Variants in PLCB2 observed in about 807,000 individuals in gnomAD.
PLCB2 encodes the protein phospholipase C beta 2.
A neutral mutation model predicts 141.7 loss-of-function variants in PLCB2; 115 were observed. The ratio of observed to expected loss-of-function variants is 0.81; its 90% CI spans 0.70 to 0.95. The LOEUF (loss-of-function observed/expected upper bound fraction) is 0.95. Ranked by LOEUF, PLCB2 falls within the 40% of genes least tolerant of loss-of-function variation. PLCB2 has a pLI of 0.00. For missense variants in PLCB2, 1,403 were observed against 1,541.1 expected, an observed-to-expected ratio of 0.91 and a Z score of 1.50; for synonymous variants, 603 against 595.6, an observed-to-expected ratio of 1.01 and a Z score of -0.18.
chr15:40,304,134 G>A, intron 1 of PLCB2, 56 bp from the exon 2 acceptor site: 1 of 1,228,446 alleles, frequency 8.1e-7, no homozygotes, highest in East Asian at 2.5e-5. Context: ...AGCCTCCCTG[G>A]TCCAGGCCAG....
intron 3 of PLCB2, 21 bp from the exon 4 acceptor site, chr15:40,302,630 G>T (rs558409146): frequency 3.7e-6 from 6 of 1,613,470 alleles, no homozygotes; most frequent in Middle Eastern, 1.7e-4. Flanking sequence ...TGGTGGTATG[G>T]TTAGGATGGA....
Position 40,291,180 on chromosome 15 carries a change from G to T in PLCB2, c.2874C>A (p.Ser958Arg). Reference protein sequence around the residue: ...GPGKGSRKKRSLPREESAGAA... With the variant: ...GPGKGSRKKRRLPREESAGAA... ...CTCCGGCGCTCTCCTCGCGGGGCAG[G>T]CTCCTGGGGAGGCCACGTGGGGACA... The change falls in exon 27 of 32, where the codon AGC becomes AGA. Residue 958 changes from serine (S) to arginine (R), a missense_variant. This residue lies in a region of PLCB2 where 290 missense variants were observed against 245.9 expected (regional missense o/e 1.18). Coordinates refer to ENST00000260402, the MANE Select transcript of PLCB2 (RefSeq NM_004573.3). The T allele has an allele frequency of 6.4e-7, 1 of 1,571,412 alleles. No homozygotes were observed. Among genetic ancestry groups the T allele is most frequent in the East Asian group, 2.3e-5 (1 of 43,564 alleles).
At position 40,288,090 on chromosome 15, in the gene PLCB2, A is replaced by G; in HGVS notation, c.*625T>C. 1 of 985,516 alleles carries G rather than the reference A, an allele frequency of 1.0e-6. No homozygotes were observed. The highest frequency in any genetic ancestry group is 1.2e-6 in the Non-Finnish European group (1 of 829,958). 61.0% of individuals were successfully genotyped at this position (985,516 alleles called of 1,614,324 possible). On this transcript the variant is annotated 3_prime_UTR_variant, in exon 32 of 32. Transcript: ENST00000260402. ...CCAGGGTCAGGGTGGAACAGCACCCAAGAGCCCACTGCCCCTTGTGACTCA... is the reference window on the plus strand; with the variant it reads ...CCAGGGTCAGGGTGGAACAGCACCCGAGAGCCCACTGCCCCTTGTGACTCA...
chr15:40,290,710 G>T, intron 28 of PLCB2, 38 bp from the exon 29 acceptor site: 1 of 1,611,324 alleles, frequency 6.2e-7, no homozygotes, highest in Non-Finnish European at 8.5e-7. Context: ...GTTTTGTGCG[G>T]CTGAGCCCTT....
At chr15:40,304,288 G>A (rs2040685021) in intron 1 of PLCB2, among the ~76,000 whole-genome samples, 1 of 152,142 alleles carries the variant, frequency 6.6e-6, no homozygotes. Flanking sequence ...CCCCTCTAAA[G>A]CCCAAATAGA....
At chr15:40,305,801 A>T (rs2040765835) in intron 1 of PLCB2, among the ~76,000 whole-genome samples, 1 of 152,158 alleles carries the variant, frequency 6.6e-6, no homozygotes, top group Non-Finnish European at 1.5e-5. Flanking sequence ...GAACTTGGTT[A>T]CCCCTTTCCC....
chr15:40,289,955 GAGAGA>G, intron 30 of PLCB2, 65 bp downstream of exon 30: 14 of 773,132 alleles, frequency 1.8e-5, no homozygotes, highest in Admixed American at 3.7e-5. Context: ...GAGAGAGAGA[GAGAGA>G]GAGAGAGAGT....
chr15:40,291,244 G>A lies in PLCB2; in HGVS notation c.2870+21C>T. ...TGCGCCACCCGCGCTGCAGAGGGCA[G>A]GGCACCGCCACGAGCCTTACCTCTT... On this transcript the variant is annotated intron_variant, in intron 26 of 31. Coordinates refer to ENST00000260402, the MANE Select transcript of PLCB2 (RefSeq NM_004573.3). The A allele has an allele frequency of 3.2e-6, 5 of 1,573,458 alleles. No individual in the cohort carries two copies. The South Asian group carries it at 5.7e-5, about 18-fold the overall frequency.
chr15:40,298,034 C>T (rs2141117191), intron 11 of PLCB2, 75 bp from the exon 12 acceptor site: 1 of 1,265,812 alleles, frequency 7.9e-7, no homozygotes. Flanking sequence ...CTTTTCCCCC[C>T]TGCCTAGTTT....
Position 40,288,478 on chromosome 15 carries a change from G to C in PLCB2, c.*237C>G. The C allele has an allele frequency of 2.4e-6, 3 of 1,265,078 alleles. No homozygotes were observed. Among genetic ancestry groups the C allele is most frequent in the Non-Finnish European group, 3.0e-6 (3 of 1,004,978 alleles). 78.4% of individuals were successfully genotyped at this position (1,265,078 alleles called of 1,614,324 possible). A position where few individuals can be genotyped will look rare whatever the true frequency, so the allele number is the denominator to read the frequency against. ...ATGACACTTATCTAGAGATGGAGGG[G>C]GAGGTAGGAAGTCAGCTTGAGAAGA... On this transcript the variant is annotated 3_prime_UTR_variant, in exon 32 of 32. Coordinates refer to ENST00000260402, the MANE Select transcript of PLCB2 (RefSeq NM_004573.3).
chr15:40,289,948 A>G (rs1195705024), intron 30 of PLCB2, 77 bp downstream of exon 30: 70 of 339,982 alleles, frequency 2.1e-4, no homozygotes, highest in African/African-American at 1.5e-3. Context: ...AGAGAGAGAG[A>G]GAGAGAGAGA....
chr15:40,284,836 C>CAAAAAAAAAAAAAAAAAA (rs56397946), downstream of PLCB2, among the ~76,000 whole-genome samples: 1 of 74,890 alleles, frequency 1.3e-5, no homozygotes, highest in African/African-American at 6.9e-5. Context: ...GAGACTCCGT[C>CAAAAAAAAAAAAAAAAAA]AAAAAAAAAA....
At chr15:40,295,345 G>T in intron 16 of PLCB2, 60 bp from the exon 17 acceptor site, 1 of 1,198,002 alleles carries the variant, frequency 8.3e-7, no homozygotes, top group Non-Finnish European at 1.2e-6. Context: ...CCTCAGTCTT[G>T]GCCTCCCCTT....
Position 40,297,792 on chromosome 15 carries a change from G to T in PLCB2, c.1238+85C>A. Reference sequence around the variant, plus strand: ...GGAGAAGCTGTAGGCAATGGTTAGAGGCTGGGGCAGTTGTGGGGAGGACAG... The same window carrying T: ...GGAGAAGCTGTAGGCAATGGTTAGATGCTGGGGCAGTTGTGGGGAGGACAG... On this transcript the variant is annotated intron_variant, in intron 12 of 31. Transcript: ENST00000260402. This position sits in a 1 kb window ranked among gnomAD's most constrained non-coding sequence, Gnocchi z 4.2. 8.9e-7 allele frequency: 1 copy of T among 1,126,256 alleles called. No homozygotes were observed. Among genetic ancestry groups the T allele is most frequent in the Non-Finnish European group, 1.3e-6 (1 of 744,606 alleles). 69.8% of individuals were successfully genotyped at this position (1,126,256 alleles called of 1,614,324 possible).
intron 7 of PLCB2, chr15:40,301,530 C>T: frequency 1.4e-6 from 1 of 702,952 alleles, no homozygotes; most frequent in South Asian, 1.5e-5. Context: ...GGTTCAGTTC[C>T]TCTCCCTCGA....
At position 40,297,492 on chromosome 15, in the gene PLCB2, T is replaced by C. The variant is rs1484879813; in HGVS notation, c.1323+29A>G. The C allele has an allele frequency of 1.3e-6, 2 of 1,570,912 alleles. No homozygotes were observed. The highest frequency in any genetic ancestry group is 1.1e-5 in the South Asian group (1 of 90,218). ...TGCCCCAGGTTCCCAGGCCCAAGGCTCAAATGTCCCACAGCGAAGCCCACT... is the reference window on the plus strand; with the variant it reads ...TGCCCCAGGTTCCCAGGCCCAAGGCCCAAATGTCCCACAGCGAAGCCCACT... On this transcript the variant is annotated intron_variant, in intron 13 of 31. Coordinates refer to ENST00000260402, the MANE Select transcript of PLCB2 (RefSeq NM_004573.3). This position sits in a 1 kb window ranked among gnomAD's most constrained non-coding sequence, Gnocchi z 4.2.
At chr15:40,292,760 A>T (rs1436731621) in intron 21 of PLCB2, among the ~76,000 whole-genome samples, 166 bp downstream of exon 21, 1 of 152,170 alleles carries the variant, frequency 6.6e-6, no homozygotes, top group Non-Finnish European at 1.5e-5. Flanking sequence ...AGGTGGGCAG[A>T]GTTCCCGCCT....
chr15:40,304,200 A>G, intron 1 of PLCB2, 122 bp from the exon 2 acceptor site: 2 of 671,820 alleles, frequency 3.0e-6, no homozygotes, highest in South Asian at 1.7e-5. Flanking sequence ...ATCTGAAGGC[A>G]TTTCCTTTTG....
intron 3 of PLCB2, 46 bp from the exon 4 acceptor site, chr15:40,302,655 C>T (rs557507450): frequency 1.2e-6 from 2 of 1,604,612 alleles, no homozygotes. Context: ...TGCTCCCTCC[C>T]TGCCCAGTGT....
Sources: allele counts gnomAD v4.1 joint callset (sites outside exome capture counted in the v4.1 genomes callset), GRCh38; gene constraint gnomAD v4.1.1; regional missense constraint gnomAD v4.1.1; non-coding constraint Gnocchi (gnomAD v3.1); transcripts MANE v1.5; gene names NCBI Gene and HGNC (gene_info 2026-07-23, HGNC 2026-07-21).